Variants in CPNE5 observed in about 807,000 individuals in gnomAD.
The protein encoded by CPNE5 is copine-5.
A neutral mutation model predicts 81.1 loss-of-function variants in CPNE5; 42 were observed. That is an observed-to-expected ratio of 0.52 (90% confidence interval 0.40 to 0.67). The LOEUF is 0.67. Ranked by LOEUF, CPNE5 falls within the 30% of genes least tolerant of loss-of-function variation. CPNE5 has a pLI of 0.00. For synonymous variants in CPNE5, 313 were observed against 321.5 expected, an observed-to-expected ratio of 0.97 and a Z score of 0.28; for missense variants, 612 against 815.5, an observed-to-expected ratio of 0.75 and a Z score of 3.04.
chr6:36,744,162 G>T, intron 19 of CPNE5, 106 bp downstream of exon 19: 1 of 935,724 alleles, frequency 1.1e-6, no homozygotes, highest in Non-Finnish European at 1.7e-6. Context: ...ACTCTTTTGG[G>T]AGGGGTCATT....
In CPNE5 at chr6:36,762,908, CCACCT is replaced by C; in HGVS notation, c.855+4_855+8del. On this transcript the variant is annotated splice_donor_5th_base_variant and intron_variant, in intron 12 of 20. Coordinates refer to ENST00000244751, the MANE Select transcript of CPNE5 (RefSeq NM_020939.2). ...AGTGCAAACCCTGGATTTCGGGTGC[CCACCT>C]CACCTCATAGATGTTGAATTGGCTC... The C allele has an allele frequency of 6.2e-7, 1 of 1,613,486 alleles. No individual in the cohort carries two copies.
chr6:36,752,933 G>A (rs1342528233), intron 14 of CPNE5, 101 bp downstream of exon 14: 7 of 923,140 alleles, frequency 7.6e-6, no homozygotes, highest in African/African-American at 4.9e-5. Context: ...CTTCAACCAG[G>A]GCTTTGAAGA....
At chr6:36,796,465 C>G (rs910792593) in intron 6 of CPNE5, among the ~76,000 whole-genome samples, 2 of 152,214 alleles carry the variant, frequency 1.3e-5, no homozygotes, top group African/African-American at 4.8e-5. Context: ...CCTCATAGGG[C>G]ATCTCCATCC....
rs1434167366 is a variant in CPNE5 at position 36,839,291 on chromosome 6, C to T, written c.87G>A (p.Val29=). Residue 29 remains valine, a synonymous_variant, in exon 1 of 21, where the codon GTG becomes GTA. Transcript: ENST00000244751. The surrounding 1 kb of genome is among the most constrained non-coding windows in gnomAD (Gnocchi z 7.3). ...SIPATKVEIT[V]SCRNLLDKDM... The stretch of plus-strand genomic sequence containing the variant: ...GCCAGCGGGAGGCTCACCTGCAGGA[C>T]ACGGTGATCTCCACCTTGGTGGCCG... 2 of 1,544,324 alleles carry T rather than the reference C, an allele frequency of 1.3e-6. No homozygotes were observed. Among genetic ancestry groups the T allele is most frequent in the Non-Finnish European group, 1.7e-6 (2 of 1,143,192 alleles).
chr6:36,796,227 G>T (rs533948358), intron 6 of CPNE5, among the ~76,000 whole-genome samples: 35 of 152,354 alleles, frequency 2.3e-4, no homozygotes, highest in African/African-American at 7.9e-4. Flanking sequence ...GGGATTACAG[G>T]CATGAGCTAC....
At chr6:36,758,446 G>A (rs4714009) in intron 12 of CPNE5, among the ~76,000 whole-genome samples, 83,596 of 148,788 alleles carry the variant, frequency 0.56, 24,298 homozygotes, top group Non-Finnish European at 0.66. Flanking sequence ...ATAGGATCTC[G>A]CTATGTTACT....
Position 36,745,566 on chromosome 6 carries a change from G to A in CPNE5, c.1201-51C>T, listed in dbSNP as rs192328387. On this transcript the variant is annotated intron_variant, in intron 16 of 20. Coordinates refer to ENST00000244751, the MANE Select transcript of CPNE5 (RefSeq NM_020939.2). ...GAGCCCAGGAAGGAAGGACAGGGGT[G>A]CACGATGTGTGGGAACTGAGTCCAG... The A allele has an allele frequency of 1.0e-4, 157 of 1,554,082 alleles. 1 individual carries two copies. The Admixed American group carries it at 2.9e-3, about 28-fold the overall frequency.
At chr6:36,835,811 A>AG (rs1773450617) in intron 1 of CPNE5, among the ~76,000 whole-genome samples, 1 of 152,128 alleles carries the variant, frequency 6.6e-6, no homozygotes, top group African/African-American at 2.4e-5. Context: ...TCTCAAAAAA[A>AG]AAAAAAAGAA....
intron 11 of CPNE5, 89 bp downstream of exon 11, chr6:36,765,246 C>G: frequency 1.4e-6 from 2 of 1,451,034 alleles, no homozygotes; most frequent in East Asian, 2.3e-5. Flanking sequence ...CGGGGGGGAG[C>G]CTGGTCACAG....
chr6:36,828,820 C>T (rs11970630), intron 1 of CPNE5, among the ~76,000 whole-genome samples: 184 of 152,308 alleles, frequency 1.2e-3, no homozygotes, highest in African/African-American at 4.4e-3. Context: ...AGAGCATAGA[C>T]TTCAAGCTTC....
chr6:36,827,818 C>T (rs1772635697), intron 1 of CPNE5: 1 of 915,846 alleles, frequency 1.1e-6, no homozygotes, highest in African/African-American at 1.8e-5. Context: ...ACTTTTTCTC[C>T]ACTTTCTTTC....
At chr6:36,753,003 G>A in intron 14 of CPNE5, 31 bp downstream of exon 14, 1 of 1,578,794 alleles carries the variant, frequency 6.3e-7, no homozygotes, top group Non-Finnish European at 8.7e-7. Context: ...CTCTCCCCAA[G>A]GCCCATGAAA....
intron 20 of CPNE5, among the ~76,000 whole-genome samples, 193 bp downstream of exon 20, chr6:36,743,496 G>A (rs971477038): frequency 1.3e-5 from 2 of 152,216 alleles, no homozygotes; most frequent in Non-Finnish European, 2.9e-5. Context: ...TGTGACAGAG[G>A]GGGGCCCAGC....
rs1773803753 is a variant in CPNE5, at chr6:36,839,126, C to T, written c.95+157G>A. Among the ~76,000 whole-genome samples the T allele has an allele frequency of 6.6e-6, 1 of 152,218 alleles. No homozygotes were observed. The highest frequency in any genetic ancestry group is 1.5e-5 in the Non-Finnish European group (1 of 68,044). ...TCTGCCGTCGCCACCCGCAGCTGGA[C>T]AGGACAGGGGCTCTTGGCAGATCGG... On this transcript the variant is annotated intron_variant, in intron 1 of 20. Transcript: ENST00000244751. This position sits in a 1 kb window ranked among gnomAD's most constrained non-coding sequence, Gnocchi z 7.3.
chr6:36,802,616 T>C (rs973965731), intron 3 of CPNE5, among the ~76,000 whole-genome samples: 1 of 152,144 alleles, frequency 6.6e-6, no homozygotes, highest in Non-Finnish European at 1.5e-5. Context: ...ATCTTGAGTG[T>C]CAGAGTGTCA....
chr6:36,743,551 G>A, intron 20 of CPNE5, 138 bp downstream of exon 20: 1 of 817,208 alleles, frequency 1.2e-6, no homozygotes, highest in Non-Finnish European at 2.0e-6. Context: ...TCCCTTCGGT[G>A]GTGGCTGGGC....
At chr6:36,762,816 G>A in intron 12 of CPNE5, 101 bp downstream of exon 12, 1 of 942,344 alleles carries the variant, frequency 1.1e-6, no homozygotes, top group Non-Finnish European at 1.7e-6. Context: ...TTTCTCACAG[G>A]AAAACACACC....
chr6:36,756,092 T>TGG, intron 13 of CPNE5, 153 bp downstream of exon 13: 2 of 613,594 alleles, frequency 3.3e-6, no homozygotes, highest in Non-Finnish European at 2.9e-6. Context: ...TTGCTCCATC[T>TGG]GCCCCACCCC....
intron 3 of CPNE5, among the ~76,000 whole-genome samples, chr6:36,807,063 T>C (rs184887959): frequency 7.2e-4 from 110 of 152,364 alleles, no homozygotes; most frequent in Non-Finnish European, 1.4e-3. Flanking sequence ...TGTGACATCC[T>C]GAAATTGAAT....
Sources: allele counts gnomAD v4.1 joint callset (sites outside exome capture counted in the v4.1 genomes callset), GRCh38; gene constraint gnomAD v4.1.1; non-coding constraint Gnocchi (gnomAD v3.1); transcripts MANE v1.5; gene names NCBI Gene and HGNC (gene_info 2026-07-23, HGNC 2026-07-21).